The following PGAP6 variants were observed in gnomAD, a reference collection of about 807,000 sequenced individuals.
PGAP6 encodes post-GPI attachment to proteins 6.
In PGAP6, 62 loss-of-function variants were observed where a neutral mutation model predicts 68.4. The observed-to-expected ratio is 0.91, with a 90% CI of 0.74 to 1.12. PGAP6 has a LOEUF of 1.12. PGAP6 is among the 50% of genes most tolerant of loss of function. PGAP6 has a pLI of 0.00. For missense variants in PGAP6, 1,188 were observed against 1,068.5 expected (o/e 1.11, Z -1.56); for synonymous variants, 575 against 474.0 (o/e 1.21, Z -2.77).
At chr16:383,826 G>A (rs914522922), upstream of PGAP6, among the ~76,000 whole-genome samples, 3 of 143,262 alleles carry the variant, frequency 2.1e-5, no homozygotes, top group Admixed American at 1.4e-4. Flanking sequence ...CCTTTTGAAC[G>A]CCGCAGCGGG....
rs746828209 is a variant in PGAP6, at chr16:372,253, A to G, written c.2050T>C (p.Tyr684His). 6 of 1,611,556 alleles carry G rather than the reference A, an allele frequency of 3.7e-6. No individual in the cohort carries two copies. The highest frequency in any genetic ancestry group is 1.3e-5 in the African/African-American group (1 of 75,036). The stretch of plus-strand genomic sequence containing the variant: ...GCCCAGCGCTGCCACGAGGTGGGGT[A>G]GCACTGGCGCCGGTGCCCGCAGCGG... ...AYRCGHRRQC[Y>H]PTSWQRWAFY... Residue 684 changes from tyrosine (Y) to histidine (H), a missense_variant, in exon 13 of 13, where the codon TAC (tyrosine) becomes CAC (histidine). Physicochemically the swap from Tyr to His is moderately conservative, Grantham distance 83 (BLOSUM62 2). Transcript: ENST00000431232.
rs143724021 is a variant in PGAP6, at chr16:376,651, C to T, written c.797G>A (p.Arg266His). The stretch of plus-strand genomic sequence containing the variant: ...CCAGGGCGGTGAGGGCAGCAGCAGG[C>T]GGCAGGGCCAGGGGGCACCGGTGCA... ...LTCTGAPWPC[R>H]LLLPSPPWDR... The change falls in exon 5 of 13, where the codon CGC becomes CAC. Residue 266 changes from arginine to histidine, a missense_variant. Arg to His is a conservative substitution (Grantham distance 29, BLOSUM62 0). Transcript: ENST00000431232. 1.2e-5 allele frequency: 19 copies of T among 1,607,224 alleles called. No homozygotes were observed. Among genetic ancestry groups the T allele is most frequent in the Non-Finnish European group, 1.4e-5 (17 of 1,177,256 alleles).
chr16:374,346 G>T lies in PGAP6; in HGVS notation c.1630C>A (p.Gln544Lys), dbSNP rs756373034. The change falls in exon 10 of 13, where the codon CAG (glutamine) becomes AAG (lysine). Residue 544 changes from glutamine to lysine, a missense_variant. Transcript: ENST00000431232. ...DNSTAQTVAQ[Q>K]RAATLLLTLS... is the part of the protein sequence containing the mutation. ...GTGAGCAGCAGTGTGGCCGCCCTCTGCTGGGCCACCGTCTGGGCTGTGCTG... is the reference window on the plus strand; with the variant it reads ...GTGAGCAGCAGTGTGGCCGCCCTCTTCTGGGCCACCGTCTGGGCTGTGCTG... 1 of 1,602,246 alleles carries T rather than the reference G, an allele frequency of 6.2e-7. No homozygotes were observed. Among genetic ancestry groups the T allele is most frequent in the Non-Finnish European group, 8.5e-7 (1 of 1,179,044 alleles).
chr16:377,621 G>C (rs945805258), intron 2 of PGAP6, 36 bp from the exon 3 acceptor site: 3 of 1,569,470 alleles, frequency 1.9e-6, no homozygotes, highest in African/African-American at 1.4e-5. Flanking sequence ...TTCAGGCACA[G>C]GGCTTGGCCA....
In PGAP6 at chr16:377,565, G is replaced by A. The variant is rs760022336; in HGVS notation, c.320C>T (p.Pro107Leu). The change falls in exon 3 of 13, where the codon CCT (proline) becomes CTT (leucine). Residue 107 changes from proline to leucine, a missense_variant. Transcript: ENST00000431232. Reference sequence around the variant, plus strand: ...GGTGCCCAGCGGGTTGATGACCGGAGGGGCGCCGGAACGGAAGTGCCTGGA... The same window carrying A: ...GGTGCCCAGCGGGTTGATGACCGGAAGGGCGCCGGAACGGAAGTGCCTGGA... Reference protein sequence around the residue: ...EITVHFRSGAPPVINPLGTSF... With the variant: ...EITVHFRSGALPVINPLGTSF... 6 of 1,581,800 alleles carry A rather than the reference G, an allele frequency of 3.8e-6. No homozygotes were observed. In the South Asian group the frequency reaches 5.7e-5, roughly 15 times the overall value.
chr16:383,219 G>C (rs1339206755), upstream of PGAP6: 2 of 151,322 alleles, frequency 1.3e-5, no homozygotes, highest in East Asian at 3.9e-4. Context: ...AAAAATTAAA[G>C]GAAAACCCCA....
In PGAP6 at chr16:374,673, C is replaced by A; in HGVS notation, c.1576+83G>T. 1.9e-6 allele frequency: 3 copies of A among 1,559,246 alleles called. No individual in the cohort carries two copies. In the South Asian group the frequency reaches 3.6e-5, roughly 19 times the overall value. On this transcript the variant is annotated intron_variant, in intron 9 of 12. Transcript: ENST00000431232. ...AGGGTCTCTCTCCAGCCCCTTGCGGCGCTCCCCCAGGGGAAAGGCACAGCA... is the reference window on the plus strand; with the variant it reads ...AGGGTCTCTCTCCAGCCCCTTGCGGAGCTCCCCCAGGGGAAAGGCACAGCA...
chr16:382,044 C>T (rs1315223906), upstream of PGAP6: 2 of 472,758 alleles, frequency 4.2e-6, no homozygotes, highest in East Asian at 6.2e-5. Flanking sequence ...GGGGCGGGAC[C>T]GGGGGGGGCG....
Position 374,074 on chromosome 16 carries a change from G to T in PGAP6, c.1833C>A (p.Phe611Leu). Reference protein sequence around the residue: ...LSYDTLQYCDFLGSGAAIWVT... With the variant: ...LSYDTLQYCDLLGSGAAIWVT... ...CCCAGATGGCCGCCCCGGAGCCCAA[G>T]AAGTCGCAGTACTGCAGCGTGTCGT... is the stretch of plus-strand genomic sequence containing the variant. The change falls in exon 11 of 13, where the codon TTC becomes TTA. Residue 611 changes from phenylalanine to leucine, a missense_variant. Physicochemically the swap from Phe to Leu is conservative, Grantham distance 22. Transcript: ENST00000431232. 6.2e-7 allele frequency: 1 copy of T among 1,612,106 alleles called. No homozygotes were observed. The highest frequency in any genetic ancestry group is 8.5e-7 in the Non-Finnish European group (1 of 1,179,964).
intron 11 of PGAP6, among the ~76,000 whole-genome samples, 159 bp downstream of exon 11, chr16:373,846 G>A (rs1342447252): frequency 6.7e-6 from 1 of 149,406 alleles, no homozygotes; most frequent in Non-Finnish European, 1.5e-5. Context: ...CTCGGCCTAG[G>A]GATTACAGGT....
At position 372,239 on chromosome 16, in the gene PGAP6, C is replaced by A. The variant is rs1175825314; in HGVS notation, c.2064G>T (p.Trp688Cys). ...GHRRQCYPTS[W>C]QRWAFYLLPG... ...GCAGGAGGTAGAAGGCCCAGCGCTG[C>A]CACGAGGTGGGGTAGCACTGGCGCC... The change falls in exon 13 of 13, where the codon TGG (tryptophan) becomes TGT (cysteine). Residue 688 changes from tryptophan to cysteine, a missense_variant. Transcript: ENST00000431232. The A allele has an allele frequency of 4.3e-6, 7 of 1,612,084 alleles. No individual in the cohort carries two copies. The highest frequency in any genetic ancestry group is 5.9e-6 in the Non-Finnish European group (7 of 1,179,876).
chr16:377,301 C>T lies in PGAP6; in HGVS notation c.507+77G>A. On this transcript the variant is annotated intron_variant, in intron 3 of 12. Transcript: ENST00000431232. ...GCGTGGAGCCTAGAGCGAGGACCACCCCAAAGAGGTGAACGGCAGGGACAG... is the reference window on the plus strand; with the variant it reads ...GCGTGGAGCCTAGAGCGAGGACCACTCCAAAGAGGTGAACGGCAGGGACAG... 5 of 1,563,382 alleles carry T rather than the reference C, an allele frequency of 3.2e-6. No individual in the cohort carries two copies. In the South Asian group the frequency reaches 5.8e-5, roughly 18 times the overall value.
rs2054338980 is a variant in PGAP6, at chr16:372,130, A to G, written c.2173T>C (p.Trp725Arg). 1 of 1,612,818 alleles carries G rather than the reference A, an allele frequency of 6.2e-7. No individual in the cohort carries two copies. Among genetic ancestry groups the G allele is most frequent in the Admixed American group, 1.7e-5 (1 of 59,996 alleles). The change falls in exon 13 of 13, where the codon TGG (tryptophan) becomes CGG (arginine). Residue 725 changes from tryptophan to arginine, a missense_variant. Trp to Arg is a moderately radical substitution (Grantham distance 101). Transcript: ENST00000431232. Reference protein sequence around the residue: ...SDNYYYTHSIWHILLAGSAAL... With the variant: ...SDNYYYTHSIRHILLAGSAAL... ...GCGCTCCCGGCCAGCAGGATGTGCC[A>G]GATGCTGTGGGTGTAGTAGTAGTTG...
chr16:376,592 C>T lies in PGAP6; in HGVS notation c.856G>A (p.Val286Met). The T allele has an allele frequency of 6.3e-7, 1 of 1,581,062 alleles. No homozygotes were observed. The highest frequency in any genetic ancestry group is 8.6e-7 in the Non-Finnish European group (1 of 1,163,150). The stretch of plus-strand genomic sequence containing the variant: ...AAAGCCACTGTCCCGAGGGGCCCCA[C>T]CAGGCTCTCAGCTGTCACTTGCAGC... ...RWLQVTAESL[V>M]GPLGTVAFSA... is the part of the protein sequence containing the mutation. The change falls in exon 5 of 13, where the codon GTG (valine) becomes ATG (methionine). Residue 286 changes from valine to methionine, a missense_variant. Coordinates refer to ENST00000431232, the MANE Select transcript of PGAP6 (RefSeq NM_021259.3).
Position 371,820 on chromosome 16 carries a change from G to T in PGAP6, c.*167C>A. ...GCAGGCAGCTGGCGAGGAGAGGTGC[G>T]TGTGAGGGAGGGGTGGCCCTCTCCT... is the stretch of plus-strand genomic sequence containing the variant. On this transcript the variant is annotated 3_prime_UTR_variant, in exon 13 of 13. Coordinates refer to ENST00000431232, the MANE Select transcript of PGAP6 (RefSeq NM_021259.3). 1 of 656,306 alleles carries T rather than the reference G, an allele frequency of 1.5e-6. No individual in the cohort carries two copies. Among genetic ancestry groups the T allele is most frequent in the Non-Finnish European group, 2.6e-6 (1 of 388,954 alleles). 40.7% of individuals were successfully genotyped at this position (656,306 alleles called of 1,614,324 possible). A position where few individuals can be genotyped will look rare whatever the true frequency, so the allele number is the denominator to read the frequency against.
At position 377,586 on chromosome 16, in the gene PGAP6, C is replaced by A; in HGVS notation, c.300-1G>T. 1 of 1,573,890 alleles carries A rather than the reference C, an allele frequency of 6.4e-7. No individual in the cohort carries two copies. The highest frequency in any genetic ancestry group is 8.6e-7 in the Non-Finnish European group (1 of 1,160,180). ...CGGAGGGGCGCCGGAACGGAAGTGCCTGGAGACGGGAGAGCAGCACCGGGT... is the reference window on the plus strand; with the variant it reads ...CGGAGGGGCGCCGGAACGGAAGTGCATGGAGACGGGAGAGCAGCACCGGGT... On this transcript the variant is annotated splice_acceptor_variant, in intron 2 of 12. Transcript: ENST00000431232. LOFTEE classifies it high-confidence loss of function.
At position 376,701 on chromosome 16, in the gene PGAP6, A is replaced by G. The variant is rs2054387373; in HGVS notation, c.747T>C (p.Pro249=). The change falls in exon 5 of 13, where the codon CCT becomes CCC. Residue 249 remains proline (P), a synonymous_variant. Transcript: ENST00000431232. ...VRLTVGPVTL[P]SNFQKVLTCT... ...AGGTGAGCACCTTCTGGAAGTTGCT[A>G]GGCAGGGTGACCGGGCCCACGGTGA... The G allele has an allele frequency of 6.2e-7, 1 of 1,611,560 alleles. No individual in the cohort carries two copies. The highest frequency in any genetic ancestry group is 1.3e-5 in the African/African-American group (1 of 74,872).
In PGAP6 at chr16:381,926, T is replaced by TGCC. The variant is rs2054443538; in HGVS notation, c.-108_-106dup. On this transcript the variant is annotated 5_prime_UTR_variant, in exon 1 of 13. Coordinates refer to ENST00000431232, the MANE Select transcript of PGAP6 (RefSeq NM_021259.3). ...CCTCCGCCTCTGCCGCCTCCGCCTC[T>TGCC]GCCCCCGGCGCCCATGGCCCGGCCG... 3.1e-6 allele frequency: 3 copies of TGCC among 969,522 alleles called. No individual in the cohort carries two copies. The highest frequency in any genetic ancestry group is 3.7e-6 in the Non-Finnish European group (3 of 819,036). The allele number at this position is 969,522 out of a possible 1,614,324, so 60.1% of individuals were successfully genotyped here.
At chr16:375,997 A>C in intron 6 of PGAP6, 139 bp downstream of exon 6, 19 of 858,044 alleles carry the variant, frequency 2.2e-5, no homozygotes, top group Non-Finnish European at 3.2e-5. Flanking sequence ...GCCCCCCAAC[A>C]TGGGCCCCTG....
Sources: gnomAD v4.1 joint callset for allele counts (sites outside exome capture counted in the v4.1 genomes callset) on GRCh38, gnomAD v4.1.1 for gene constraint, MANE v1.5 for transcripts, NCBI Gene and HGNC (gene_info 2026-07-23, HGNC 2026-07-21) for gene names.